The following GABRG1 variants were observed in gnomAD, a reference collection of about 807,000 sequenced individuals.
The protein encoded by GABRG1 is gamma-aminobutyric acid type A receptor subunit gamma1.
Under a neutral mutation model 49.8 loss-of-function variants are expected in GABRG1, and 49 were observed. The observed-to-expected ratio is 0.98, with a 90% CI of 0.78 to 1.25. The LOEUF (loss-of-function observed/expected upper bound fraction) is 1.25. Ranked by LOEUF, GABRG1 falls within the 50% of genes most tolerant of loss-of-function variation. GABRG1 has a pLI of 0.00. For missense variants in GABRG1, 552 were observed against 552.3 expected, an observed-to-expected ratio of 1.00 and a Z score of 0.01; for synonymous variants, 232 against 185.1, an observed-to-expected ratio of 1.25 and a Z score of -2.06.
chr4:46,084,455 C>A (rs2109423265), intron 2 of GABRG1, among the ~76,000 whole-genome samples: 1 of 151,696 alleles, frequency 6.6e-6, no homozygotes, highest in Non-Finnish European at 1.5e-5. Flanking sequence ...AATACACACA[C>A]AAGTCTGGCA....
Position 46,064,520 on chromosome 4 carries a change from C to T in GABRG1, c.546G>A (p.Leu182=). 9 of 1,475,448 alleles carry T rather than the reference C, an allele frequency of 6.1e-6. No individual in the cohort carries two copies. Among genetic ancestry groups the T allele is most frequent in the Non-Finnish European group, 8.2e-6 (9 of 1,091,536 alleles). 91.4% of individuals were successfully genotyped at this position (1,475,448 alleles called of 1,614,324 possible). Residue 182 remains leucine (L), a synonymous_variant, in exon 5 of 9, where the codon TTG becomes TTA. Transcript: ENST00000295452. ...NDGRVLYTLR[L]TINAECYLQL... Reference sequence around the variant, plus strand: ...GAAGATAACATTCTGCATTAATTGTCAATCTATTTAGATGGAAAGAAAAGT... The same window carrying T: ...GAAGATAACATTCTGCATTAATTGTTAATCTATTTAGATGGAAAGAAAAGT...
At chr4:46,100,027 A>G (rs1325189558) in intron 1 of GABRG1, among the ~76,000 whole-genome samples, 1 of 151,780 alleles carries the variant, frequency 6.6e-6, no homozygotes, top group Non-Finnish European at 1.5e-5. Flanking sequence ...AAAGTATACA[A>G]AGTTTCACTT....
At chr4:46,070,675 T>A (rs1009794173) in intron 3 of GABRG1, among the ~76,000 whole-genome samples, 8 of 151,966 alleles carry the variant, frequency 5.3e-5, no homozygotes, top group African/African-American at 1.9e-4. Flanking sequence ...AAAAGAGAGT[T>A]GAATCATGTG....
chr4:46,066,327 C>G (rs1157221627), intron 3 of GABRG1, among the ~76,000 whole-genome samples: 1 of 152,072 alleles, frequency 6.6e-6, no homozygotes, highest in South Asian at 2.1e-4. Flanking sequence ...TTATTTATAT[C>G]TACTGTTTTT....
At chr4:46,062,020 TC>T (rs1257764131) in intron 5 of GABRG1, among the ~76,000 whole-genome samples, 8 of 85,926 alleles carry the variant, frequency 9.3e-5, no homozygotes, top group African/African-American at 3.2e-4. Context: ...ATGCTATCCC[TC>T]CCCCCTCCCC....
chr4:46,069,480 G>T (rs1007161674), intron 3 of GABRG1, among the ~76,000 whole-genome samples: 1 of 152,028 alleles, frequency 6.6e-6, no homozygotes, highest in Non-Finnish European at 1.5e-5. Flanking sequence ...AGCAGGAAGA[G>T]GTAAATACAA....
At chr4:46,063,754 T>C (rs1718801630) in intron 5 of GABRG1, among the ~76,000 whole-genome samples, 1 of 151,952 alleles carries the variant, frequency 6.6e-6, no homozygotes. Context: ...ACCTACAAAA[T>C]GGGAGAAAAT....
At chr4:46,104,476 T>C (rs1316279696) in intron 1 of GABRG1, among the ~76,000 whole-genome samples, 1 of 151,552 alleles carries the variant, frequency 6.6e-6, no homozygotes, top group African/African-American at 2.4e-5. Context: ...TTTTAGCATA[T>C]ACCTATGTAT....
rs79354495 is a variant in GABRG1, at chr4:46,085,236, T to G, written c.254-1183A>C. ...GGATAAATGTTTTCTACATTTACAATGTCAGAGGTTATAGATATTAGTTAA... is the reference window on the plus strand; with the variant it reads ...GGATAAATGTTTTCTACATTTACAAGGTCAGAGGTTATAGATATTAGTTAA... On this transcript the variant is annotated intron_variant, in intron 2 of 8. Coordinates refer to ENST00000295452, the MANE Select transcript of GABRG1 (RefSeq NM_173536.4). 2.1e-3 allele frequency among the ~76,000 whole-genome samples: 316 copies of G among 151,630 alleles called. 1 individual carries two copies. The highest frequency in any genetic ancestry group is 4.0e-3 in the Non-Finnish European group (268 of 67,594).
At chr4:46,085,535 C>G (rs1004055671) in intron 2 of GABRG1, among the ~76,000 whole-genome samples, 2 of 151,484 alleles carry the variant, frequency 1.3e-5, no homozygotes, top group Non-Finnish European at 3.0e-5. Context: ...ATTCTGTTCA[C>G]CATTTTGTAA....
At chr4:46,063,755 G>A (rs1412349729) in intron 5 of GABRG1, among the ~76,000 whole-genome samples, 1 of 151,992 alleles carries the variant, frequency 6.6e-6, no homozygotes, top group Admixed American at 6.6e-5. Context: ...CCTACAAAAT[G>A]GGAGAAAATT....
At chr4:46,056,151 T>TAAAAAAAAAAAA (rs1182116080) in intron 7 of GABRG1, among the ~76,000 whole-genome samples, 7 of 9,140 alleles carry the variant, frequency 7.7e-4, no homozygotes, top group Non-Finnish European at 8.1e-4. Context: ...ATAAATAAAT[T>TAAAAAAAAAAAA]AAAAAAAAAA....
intron 1 of GABRG1, among the ~76,000 whole-genome samples, chr4:46,113,182 G>T (rs925414737): frequency 6.6e-6 from 1 of 150,940 alleles, no homozygotes; most frequent in Non-Finnish European, 1.5e-5. Flanking sequence ...TTTTTATACT[G>T]CTATAAAGAA....
intron 2 of GABRG1, among the ~76,000 whole-genome samples, chr4:46,096,715 C>T (rs767733315): frequency 6.6e-6 from 1 of 151,460 alleles, no homozygotes; most frequent in Middle Eastern, 3.2e-3. Context: ...TTAAAAAAGA[C>T]GTTTAAGCAA....
chr4:46,088,830 T>C (rs936844965), intron 2 of GABRG1, among the ~76,000 whole-genome samples: 3 of 150,860 alleles, frequency 2.0e-5, no homozygotes, highest in Admixed American at 2.0e-4. Context: ...TGTGTGTGTG[T>C]GTGTGTGTGT....
intron 3 of GABRG1, among the ~76,000 whole-genome samples, chr4:46,076,785 G>C (rs1033692848): frequency 6.6e-6 from 1 of 151,352 alleles, no homozygotes; most frequent in Non-Finnish European, 1.5e-5. Flanking sequence ...TTTGCCTTGA[G>C]GTATCTATCT....
intron 1 of GABRG1, among the ~76,000 whole-genome samples, chr4:46,110,457 A>T (rs73146806): frequency 0.094 from 14,234 of 150,962 alleles, 1,668 homozygotes; most frequent in African/African-American, 0.28. Context: ...TTGTTAATCT[A>T]TCCAACCTGC....
At chr4:46,092,202 T>A (rs1266614237) in intron 2 of GABRG1, among the ~76,000 whole-genome samples, 2 of 152,050 alleles carry the variant, frequency 1.3e-5, no homozygotes, top group Non-Finnish European at 2.9e-5. Flanking sequence ...AAGAAAGGAA[T>A]TAACACCAGA....
intron 2 of GABRG1, among the ~76,000 whole-genome samples, chr4:46,095,410 C>T (rs761244102): frequency 9.9e-5 from 15 of 151,630 alleles, no homozygotes; most frequent in Non-Finnish European, 8.9e-5. Context: ...CCTGAAATTA[C>T]ATTTTGAAAA....
Sources: gnomAD v4.1 joint callset for allele counts (sites outside exome capture counted in the v4.1 genomes callset) on GRCh38, gnomAD v4.1.1 for gene constraint, MANE v1.5 for transcripts, NCBI Gene and HGNC (gene_info 2026-07-23, HGNC 2026-07-21) for gene names.